VWA3B: variants seen among roughly 807,000 people sequenced by gnomAD.
VWA3B encodes von Willebrand factor A domain containing 3B.
In VWA3B, 138 loss-of-function variants were observed where a neutral mutation model predicts 158.3. That is an observed-to-expected ratio of 0.87 (90% CI 0.76 to 1.00). The LOEUF (loss-of-function observed/expected upper bound fraction) is 1.00. Ranked by LOEUF, VWA3B falls within the 50% of genes least tolerant of loss-of-function variation. VWA3B has a pLI of 0.00. For missense variants in VWA3B, 1,555 were observed against 1,565.1 expected, an observed-to-expected ratio of 0.99 and a Z score of 0.11; for synonymous variants, 596 against 587.3, an observed-to-expected ratio of 1.01 and a Z score of -0.21.
At chr2:98,248,755 G>T (rs1401659608) in intron 19 of VWA3B, among the ~76,000 whole-genome samples, 5 of 151,960 alleles carry the variant, frequency 3.3e-5, no homozygotes, top group African/African-American at 1.2e-4. Flanking sequence ...TTACATTTCT[G>T]CTCAGCTTTT....
At chr2:98,236,995 G>A (rs1026262954) in intron 19 of VWA3B, among the ~76,000 whole-genome samples, 2 of 152,188 alleles carry the variant, frequency 1.3e-5, no homozygotes, top group African/African-American at 2.4e-5. Context: ...GGGCAACATC[G>A]TGAAACCCTG....
intron 23 of VWA3B, chr2:98,292,169 G>A (rs1055381341): frequency 4.6e-5 from 7 of 151,966 alleles, no homozygotes; most frequent in Admixed American, 3.9e-4. Flanking sequence ...CTAGAACCTG[G>A]GAGGCAGAGG....
In VWA3B at chr2:98,087,180, A is replaced by C. The variant is rs1037141491; in HGVS notation, c.-216A>C. 8 of 152,220 alleles carry C rather than the reference A, an allele frequency of 5.3e-5. No homozygotes were observed. Among genetic ancestry groups the C allele is most frequent in the African/African-American group, 1.9e-4 (8 of 41,444 alleles). The allele number at this position is 152,220 out of a possible 1,614,324, so 9.4% of individuals were successfully genotyped here. On this transcript the variant is annotated 5_prime_UTR_variant, in exon 1 of 28. Transcript: ENST00000477737. ...GCGCTCGGAACCAGAGGCGCGGGTC[A>C]CAGAGACCTAGAACAGCTGGAATCC...
chr2:98,328,062 A>G, the VWA3B span, among the ~76,000 whole-genome samples: 34 of 152,228 alleles, frequency 2.2e-4, no homozygotes, highest in African/African-American at 7.7e-4. Flanking sequence ...GCCCCTTACC[A>G]CAAGCCTCTG....
chr2:98,181,267 G>T lies in VWA3B; in HGVS notation c.1311+55G>T, dbSNP rs1680558536. ...GGGGCCTCCCCTCAAGTCCTGGGTG[G>T]GTGAGGCCTCCATCGGGTCAGAAGG... is the stretch of plus-strand genomic sequence containing the variant. On this transcript the variant is annotated intron_variant, in intron 9 of 27. Transcript: ENST00000477737. 4.4e-6 allele frequency: 7 copies of T among 1,580,680 alleles called. No homozygotes were observed. The African/African-American group carries it at 5.4e-5, about 12-fold the overall frequency.
intron 22 of VWA3B, among the ~76,000 whole-genome samples, chr2:98,288,155 G>A (rs1039373527): frequency 6.6e-6 from 1 of 152,066 alleles, no homozygotes; most frequent in Non-Finnish European, 1.5e-5. Context: ...TTGAGAATTG[G>A]TCATATTTGC....
rs183967419 is a variant in VWA3B, at chr2:98,298,137, C to T, written c.3282+106C>T. On this transcript the variant is annotated intron_variant, in intron 24 of 27. Transcript: ENST00000477737. ...TGGCCCTTTGCTGAACCTACACGGG[C>T]TCCTGCAGGGAGGGTGTGTTTGGGC... 6.9e-4 allele frequency: 905 copies of T among 1,309,354 alleles called. 4 individuals are homozygous for T. In the African/African-American group the frequency reaches 0.012, roughly 18 times the overall value. 81.1% of individuals were successfully genotyped at this position (1,309,354 alleles called of 1,614,324 possible). A position where few individuals can be genotyped will look rare whatever the true frequency, so the allele number is the denominator to read the frequency against.
At chr2:98,196,969 C>T (rs1400505598) in intron 12 of VWA3B, among the ~76,000 whole-genome samples, 1 of 152,144 alleles carries the variant, frequency 6.6e-6, no homozygotes, top group African/African-American at 2.4e-5. Flanking sequence ...AAAACTAAGA[C>T]ATTCACATGG....
chr2:98,222,541 C>T (rs1684595071), intron 14 of VWA3B, among the ~76,000 whole-genome samples: 2 of 152,114 alleles, frequency 1.3e-5, no homozygotes, highest in South Asian at 2.1e-4. Flanking sequence ...CAGGAGAGGC[C>T]CAGCTAGAAC....
intron 7 of VWA3B, among the ~76,000 whole-genome samples, chr2:98,141,930 G>A (rs1398052696): frequency 1.3e-5 from 2 of 152,090 alleles, no homozygotes; most frequent in South Asian, 2.1e-4. Flanking sequence ...CCCAAGTGAG[G>A]CCCCCTAAGT....
chr2:98,173,521 A>G (rs562662153), intron 8 of VWA3B, among the ~76,000 whole-genome samples: 1 of 152,370 alleles, frequency 6.6e-6, no homozygotes, highest in Admixed American at 6.5e-5. Context: ...TTCTCCCATG[A>G]TTCAAGATTA....
intron 7 of VWA3B, among the ~76,000 whole-genome samples, chr2:98,138,632 C>T (rs1285722984): frequency 6.6e-6 from 1 of 152,182 alleles, no homozygotes; most frequent in Non-Finnish European, 1.5e-5. Context: ...TGAAGCAAAT[C>T]TCGATGTTTC....
chr2:98,176,466 C>T (rs1264718756), intron 8 of VWA3B, among the ~76,000 whole-genome samples: 1 of 150,372 alleles, frequency 6.7e-6, no homozygotes, highest in Non-Finnish European at 1.5e-5. Context: ...TCCCTCCTTC[C>T]TTCCTTCCTT....
chr2:98,118,298 C>T (rs374561057), intron 3 of VWA3B, among the ~76,000 whole-genome samples: 1 of 152,020 alleles, frequency 6.6e-6, no homozygotes, highest in Non-Finnish European at 1.5e-5. Context: ...GAGAAGCCTC[C>T]AAGAAGTGAT....
chr2:98,256,858 T>C (rs2105827239), intron 21 of VWA3B, among the ~76,000 whole-genome samples: 1 of 152,334 alleles, frequency 6.6e-6, no homozygotes, highest in East Asian at 1.9e-4. Flanking sequence ...GTACATGTGA[T>C]ATTTTGATAC....
chr2:98,298,480 TCCCATCCC>T (rs1689982003), intron 24 of VWA3B, among the ~76,000 whole-genome samples: 1 of 151,252 alleles, frequency 6.6e-6, no homozygotes, highest in South Asian at 2.1e-4. Flanking sequence ...TCCCACCCCA[TCCCATCCC>T]ATTCCATTCT....
intron 15 of VWA3B, among the ~76,000 whole-genome samples, chr2:98,229,374 C>A (rs1024480430): frequency 6.6e-6 from 1 of 152,150 alleles, no homozygotes; most frequent in African/African-American, 2.4e-5. Flanking sequence ...AGGTGCTCCA[C>A]GGAGGCGTCG....
intron 22 of VWA3B, among the ~76,000 whole-genome samples, chr2:98,275,020 T>A (rs1688435380): frequency 6.6e-6 from 1 of 152,204 alleles, no homozygotes; most frequent in Non-Finnish European, 1.5e-5. Context: ...CCATCACATG[T>A]CATCCTCTAA....
chr2:98,117,408 G>A lies in VWA3B; in HGVS notation c.291+1662G>A, dbSNP rs186125074. Among the ~76,000 whole-genome samples, 8 of 152,340 alleles carry A rather than the reference G, an allele frequency of 5.3e-5. No individual in the cohort carries two copies. In the East Asian group the frequency reaches 1.4e-3, roughly 26 times the overall value. On this transcript the variant is annotated intron_variant, in intron 3 of 27. Coordinates refer to ENST00000477737, the MANE Select transcript of VWA3B (RefSeq NM_144992.5). Reference sequence around the variant, plus strand: ...GCTCAGCATTCCTGGGCTGCATGCTGTAACCCTGGGGCCTAGAACTGGGCT... The same window carrying A: ...GCTCAGCATTCCTGGGCTGCATGCTATAACCCTGGGGCCTAGAACTGGGCT...
Sources: gnomAD v4.1 joint callset for allele counts (sites outside exome capture counted in the v4.1 genomes callset) on GRCh38, gnomAD v4.1.1 for gene constraint, MANE v1.5 for transcripts, NCBI Gene and HGNC (gene_info 2026-07-23, HGNC 2026-07-21) for gene names.